The following DLC1 variants were observed in gnomAD, a reference collection of about 807,000 sequenced individuals.
The protein encoded by DLC1 is DLC1 Rho GTPase activating protein.
In DLC1, 54 loss-of-function variants were observed where a neutral mutation model predicts 140.3. The ratio of observed to expected loss-of-function variants is 0.38; its 90% CI spans 0.31 to 0.48. DLC1 has a LOEUF of 0.48. Ranked by LOEUF, DLC1 falls within the 20% of genes least tolerant of loss-of-function variation. The pLI, the probability that DLC1 is intolerant of heterozygous loss-of-function variation, is 0.96. For synonymous variants in DLC1, 986 were observed against 728.1 expected, an observed-to-expected ratio of 1.35 and a Z score of -5.70; for missense variants, 2,536 against 1,907.0, an observed-to-expected ratio of 1.33 and a Z score of -6.14.
chr8:13,267,443 C>T (rs895874257), intron 5 of DLC1, among the ~76,000 whole-genome samples: 6 of 151,936 alleles, frequency 3.9e-5, no homozygotes, highest in Non-Finnish European at 8.8e-5. Flanking sequence ...TCTGGACCTA[C>T]AACATCCTGC....
chr8:13,280,042 G>A (rs970589102), intron 5 of DLC1, among the ~76,000 whole-genome samples: 1 of 151,820 alleles, frequency 6.6e-6, no homozygotes, highest in Admixed American at 6.6e-5. Flanking sequence ...CACTTTGGGA[G>A]GCCGAGGTGC....
At chr8:13,403,093 G>T (rs112620258) in intron 2 of DLC1, among the ~76,000 whole-genome samples, 1 of 152,314 alleles carries the variant, frequency 6.6e-6, no homozygotes, top group East Asian at 1.9e-4. Flanking sequence ...CACAAAGACA[G>T]ATTAATTTTG....
chr8:13,232,088 G>T (rs993379780), intron 5 of DLC1, among the ~76,000 whole-genome samples: 4 of 152,028 alleles, frequency 2.6e-5, no homozygotes, highest in Middle Eastern at 3.2e-3. Flanking sequence ...GAAATAAGGA[G>T]GTGGCTTCAT....
intron 5 of DLC1, among the ~76,000 whole-genome samples, chr8:13,143,486 C>T (rs991858348): frequency 6.6e-6 from 1 of 152,162 alleles, no homozygotes; most frequent in Non-Finnish European, 1.5e-5. Flanking sequence ...GACAGGGTCT[C>T]AATCTGTTGC....
At chr8:13,320,444 T>G (rs1331359988) in intron 4 of DLC1, among the ~76,000 whole-genome samples, 1 of 152,240 alleles carries the variant, frequency 6.6e-6, no homozygotes, top group African/African-American at 2.4e-5. Context: ...GTTTGTAGCA[T>G]ATTTAAAAAT....
intron 4 of DLC1, among the ~76,000 whole-genome samples, chr8:13,310,290 A>G (rs1005095479): frequency 2.6e-5 from 4 of 152,252 alleles, no homozygotes; most frequent in African/African-American, 9.6e-5. Flanking sequence ...GTTTAAGTGT[A>G]TAGAAATTTT....
chr8:13,197,603 C>T (rs1451638842), intron 5 of DLC1, among the ~76,000 whole-genome samples: 1 of 152,020 alleles, frequency 6.6e-6, no homozygotes, highest in Non-Finnish European at 1.5e-5. Context: ...GCCTCGGCGT[C>T]CCAAAGTGCT....
At chr8:13,454,126 T>G (rs1318959494) in intron 2 of DLC1, among the ~76,000 whole-genome samples, 1 of 152,166 alleles carries the variant, frequency 6.6e-6, no homozygotes, top group East Asian at 1.9e-4. Context: ...TTTTTTGGAC[T>G]ACGTGCAATT....
At chr8:13,576,668 A>G (rs1167191631) in intron 1 of DLC1, among the ~76,000 whole-genome samples, 1 of 152,144 alleles carries the variant, frequency 6.6e-6, no homozygotes. Context: ...AGAAATGCCT[A>G]TCTTCTTTTT....
intron 4 of DLC1, among the ~76,000 whole-genome samples, chr8:13,321,509 G>T (rs920991498): frequency 1.7e-5 from 2 of 120,310 alleles, no homozygotes; most frequent in Non-Finnish European, 3.2e-5. Flanking sequence ...CTGCACTCCA[G>T]CCTAGCGACA....
At chr8:13,248,603 T>G (rs768670715) in intron 5 of DLC1, among the ~76,000 whole-genome samples, 2 of 152,190 alleles carry the variant, frequency 1.3e-5, no homozygotes, top group African/African-American at 2.4e-5. Context: ...ACCCCCCACA[T>G]GGTGTAACCC....
At chr8:13,280,007 C>T (rs1191238093) in intron 5 of DLC1, among the ~76,000 whole-genome samples, 6 of 151,602 alleles carry the variant, frequency 4.0e-5, no homozygotes, top group South Asian at 2.1e-4. Flanking sequence ...AGGCTGGGTG[C>T]GGTGGCTCAC....
At chr8:13,480,182 G>A (rs1228526597) in intron 2 of DLC1, among the ~76,000 whole-genome samples, 3 of 152,082 alleles carry the variant, frequency 2.0e-5, no homozygotes, top group African/African-American at 7.2e-5. Context: ...GTTTCTCAAG[G>A]GAAAAAATAG....
At chr8:13,166,347 T>A (rs1291749761) in intron 5 of DLC1, among the ~76,000 whole-genome samples, 1 of 152,180 alleles carries the variant, frequency 6.6e-6, no homozygotes, top group Admixed American at 6.5e-5. Flanking sequence ...TCTCATTTAT[T>A]TATTTATTTT....
intron 5 of DLC1, among the ~76,000 whole-genome samples, chr8:13,213,586 C>T (rs955874927): frequency 3.9e-5 from 6 of 152,142 alleles, no homozygotes; most frequent in Non-Finnish European, 4.4e-5. Context: ...ACTTGAGAGG[C>T]TTTCATTTCC....
intron 5 of DLC1, among the ~76,000 whole-genome samples, chr8:13,196,850 G>A (rs1022938779): frequency 6.6e-6 from 1 of 152,228 alleles, no homozygotes; most frequent in African/African-American, 2.4e-5. Context: ...TGGTAGGGAT[G>A]TTTGAAATGG....
rs1306419249 is a variant in DLC1, at chr8:13,582,876, G to GTA, written c.-126+21660_-126+21661insTA. The stretch of plus-strand genomic sequence containing the variant: ...AAAGTTATGTTTACAATATACTGTG[G>GTA]TCTATATATATATATATATATATAT... On this transcript the variant is annotated intron_variant, in intron 1 of 1. Transcript: ENST00000631382. 3.3e-3 allele frequency among the ~76,000 whole-genome samples: 137 copies of GTA among 41,974 alleles called. 1 individual carries two copies. Among genetic ancestry groups the GTA allele is most frequent in the African/African-American group, 0.01 (123 of 12,090 alleles). The allele number at this position is 41,974 out of a possible 152,430, so 27.5% of individuals were successfully genotyped here.
At chr8:13,567,915 C>T in intron 1 of DLC1, 1 of 1,551,136 alleles carries the variant, frequency 6.4e-7, no homozygotes, top group East Asian at 2.4e-5. Context: ...TTACTCTAAT[C>T]AAACCAGAGC....
chr8:13,115,981 G>C (rs1185287804), intron 5 of DLC1, among the ~76,000 whole-genome samples: 1 of 152,198 alleles, frequency 6.6e-6, no homozygotes, highest in Non-Finnish European at 1.5e-5. Flanking sequence ...GAAAGTTGAA[G>C]AGAGATTTAA....
Sources: gnomAD v4.1 joint callset for allele counts (sites outside exome capture counted in the v4.1 genomes callset) on GRCh38, gnomAD v4.1.1 for gene constraint, MANE v1.5 for transcripts, NCBI Gene and HGNC (gene_info 2026-07-23, HGNC 2026-07-21) for gene names.